Variants in GPCPD1 observed in about 807,000 individuals in gnomAD.
GPCPD1 encodes glycerophosphocholine phosphodiesterase 1, also known as glycerophosphocholine phosphodiesterase GPCPD1.
GPCPD1 carries 29 observed loss-of-function variants against 89.2 expected under a neutral mutation model. The ratio of observed to expected loss-of-function variants is 0.33; its 90% CI spans 0.24 to 0.44. The LOEUF (loss-of-function observed/expected upper bound fraction) is 0.44. Among genes scored for constraint, GPCPD1 ranks in the 20% least tolerant of loss-of-function variants. GPCPD1 has a pLI of 1.00. For synonymous variants in GPCPD1, 258 were observed against 266.3 expected (o/e 0.97, Z 0.30); for missense variants, 594 against 808.9 (o/e 0.73, Z 3.22).
intron 16 of GPCPD1, among the ~76,000 whole-genome samples, chr20:5,561,015 T>A (rs988754614): frequency 6.6e-6 from 1 of 152,204 alleles, no homozygotes; most frequent in African/African-American, 2.4e-5. Flanking sequence ...AAATATTTGT[T>A]GAACAAAAAA....
chr20:5,601,311 G>A lies in GPCPD1; in HGVS notation c.50-2490C>T, dbSNP rs138960831. On this transcript the variant is annotated intron_variant, in intron 2 of 19. Coordinates refer to ENST00000379019, the MANE Select transcript of GPCPD1 (RefSeq NM_019593.5). ...AGAGTCCAGGAGTTTGAGGAGCTATGACTGCACCACTGCACTTCAACCTGG... is the reference window on the plus strand; with the variant it reads ...AGAGTCCAGGAGTTTGAGGAGCTATAACTGCACCACTGCACTTCAACCTGG... Among the ~76,000 whole-genome samples the A allele has an allele frequency of 2.7e-5, 4 of 150,732 alleles. 1 individual carries two copies. The South Asian group carries it at 8.4e-4, about 32-fold the overall frequency.
Position 5,544,837 on chromosome 20 carries a change from G to A in GPCPD1, c.*2824C>T, listed in dbSNP as rs141661519. ...AGCGGGACACTGAAGGAAGGCAAAG[G>A]AGGTGTTTCAGACAAGCAAAGCAGT... On this transcript the variant is annotated 3_prime_UTR_variant, in exon 20 of 20. Transcript: ENST00000379019. The A allele has an allele frequency of 8.2e-4, 125 of 152,420 alleles. No homozygotes were observed. The highest frequency in any genetic ancestry group is 2.8e-3 in the African/African-American group (117 of 41,558). The allele number at this position is 152,420 out of a possible 1,614,324, so 9.4% of individuals were successfully genotyped here.
intron 4 of GPCPD1, among the ~76,000 whole-genome samples, chr20:5,591,284 C>G (rs1428835736): frequency 6.6e-6 from 1 of 152,114 alleles, no homozygotes; most frequent in Non-Finnish European, 1.5e-5. Flanking sequence ...CTCTTCTAAA[C>G]TAAAAGGAAT....
intron 3 of GPCPD1, among the ~76,000 whole-genome samples, chr20:5,595,012 TCA>T (rs1979608342): frequency 6.6e-6 from 1 of 152,214 alleles, no homozygotes; most frequent in African/African-American, 2.4e-5. Flanking sequence ...GTAGTAAACT[TCA>T]CTGTCTTATT....
chr20:5,605,212 G>T (rs1288357280), intron 1 of GPCPD1, among the ~76,000 whole-genome samples: 1 of 152,060 alleles, frequency 6.6e-6, no homozygotes, highest in Non-Finnish European at 1.5e-5. Flanking sequence ...ATCCAAACTT[G>T]TTATTTTTTA....
chr20:5,548,712 T>C, intron 19 of GPCPD1: 1 of 204,358 alleles, frequency 4.9e-6, no homozygotes, highest in East Asian at 1.2e-4. Context: ...TTTTGAAAGC[T>C]GGAAAACAGA....
Position 5,547,870 on chromosome 20 carries a change from A to G in GPCPD1, c.1830-20T>C. On this transcript the variant is annotated intron_variant, in intron 19 of 19. Coordinates refer to ENST00000379019, the MANE Select transcript of GPCPD1 (RefSeq NM_019593.5). ...TATATCCTATGATGAAACAAATACA[A>G]AACACATAAAATACTGTAATTTTAT... The G allele has an allele frequency of 1.4e-6, 2 of 1,380,982 alleles. No individual in the cohort carries two copies. The highest frequency in any genetic ancestry group is 2.0e-6 in the Non-Finnish European group (2 of 987,880). The allele number at this position is 1,380,982 out of a possible 1,614,324, so 85.5% of individuals were successfully genotyped here. A position where few individuals can be genotyped will look rare whatever the true frequency, so the allele number is the denominator to read the frequency against.
At chr20:5,592,178 C>T (rs1361235723) in intron 4 of GPCPD1, among the ~76,000 whole-genome samples, 1 of 152,160 alleles carries the variant, frequency 6.6e-6, no homozygotes, top group East Asian at 1.9e-4. Context: ...TCACATATTA[C>T]AAAGCTAAAT....
At chr20:5,555,737 G>A (rs1280372967) in intron 19 of GPCPD1, among the ~76,000 whole-genome samples, 1 of 151,892 alleles carries the variant, frequency 6.6e-6, no homozygotes, top group African/African-American at 2.4e-5. Flanking sequence ...GCGTGCGCCT[G>A]TAATCCCAGC....
At chr20:5,573,337 C>T (rs1986825528) in intron 11 of GPCPD1, among the ~76,000 whole-genome samples, 1 of 152,126 alleles carries the variant, frequency 6.6e-6, no homozygotes, top group Non-Finnish European at 1.5e-5. Context: ...CTGCCCATCT[C>T]GGCCTCCCAA....
intron 12 of GPCPD1, among the ~76,000 whole-genome samples, chr20:5,569,067 T>C (rs1202999629): frequency 6.6e-6 from 1 of 152,108 alleles, no homozygotes; most frequent in Non-Finnish European, 1.5e-5. Context: ...TCATGTAATC[T>C]GAATAGATGC....
At position 5,605,350 on chromosome 20, in the gene GPCPD1, T is replaced by C. The variant is rs529576561; in HGVS notation, c.-28-910A>G. On this transcript the variant is annotated intron_variant, in intron 1 of 19. Coordinates refer to ENST00000379019, the MANE Select transcript of GPCPD1 (RefSeq NM_019593.5). ...AAACAACTATAGAGAGAAAAAAGCT[T>C]CACTTAATGAATTTCTACTTTAACA... Among the ~76,000 whole-genome samples the C allele has an allele frequency of 3.9e-5, 6 of 152,314 alleles. No individual in the cohort carries two copies. The South Asian group carries it at 1.2e-3, about 32-fold the overall frequency.
chr20:5,566,503 A>C (rs1986400859), intron 14 of GPCPD1, among the ~76,000 whole-genome samples: 1 of 152,230 alleles, frequency 6.6e-6, no homozygotes, highest in South Asian at 2.1e-4. Context: ...ATAAGTATTA[A>C]CACTTTGATC....
At chr20:5,566,662 T>G in intron 14 of GPCPD1, 71 bp downstream of exon 14, 1 of 894,344 alleles carries the variant, frequency 1.1e-6, no homozygotes, top group Non-Finnish European at 1.9e-6. Flanking sequence ...AAGTATGTGC[T>G]AAAATCGATT....
chr20:5,547,594 C>T lies in GPCPD1; in HGVS notation c.*67G>A. ...CCAAAAGGCATAGATCAACAATGCT[C>T]AGTGATGAAAAATGAATACCCAGAA... On this transcript the variant is annotated 3_prime_UTR_variant, in exon 20 of 20. Coordinates refer to ENST00000379019, the MANE Select transcript of GPCPD1 (RefSeq NM_019593.5). 1.3e-6 allele frequency: 1 copy of T among 774,884 alleles called. No homozygotes were observed. Among genetic ancestry groups the T allele is most frequent in the East Asian group, 2.5e-5 (1 of 40,182 alleles). The allele number at this position is 774,884 out of a possible 1,614,324, so 48.0% of individuals were successfully genotyped here.
chr20:5,568,336 A>G lies in GPCPD1; in HGVS notation c.1150-776T>C, dbSNP rs1986519755. On this transcript the variant is annotated intron_variant, in intron 12 of 19. Transcript: ENST00000379019. Reference sequence around the variant, plus strand: ...TGTACATGCATAAAGTTTTTCTGGAATACACAAGAAACTATTAAAAGTAAG... The same window carrying G: ...TGTACATGCATAAAGTTTTTCTGGAGTACACAAGAAACTATTAAAAGTAAG... 2.0e-5 allele frequency among the ~76,000 whole-genome samples: 3 copies of G among 151,188 alleles called. No individual in the cohort carries two copies. In the South Asian group the frequency reaches 6.2e-4, roughly 31 times the overall value.
Position 5,549,200 on chromosome 20 carries a change from G to A in GPCPD1, c.1830-1350C>T, listed in dbSNP as rs189140976. On this transcript the variant is annotated intron_variant, in intron 19 of 19. Transcript: ENST00000379019. Reference sequence around the variant, plus strand: ...CATTGAACAAACAGCAGAGATGAAGGGACCTCAATCACTTTTGGCTAGAGA... The same window carrying A: ...CATTGAACAAACAGCAGAGATGAAGAGACCTCAATCACTTTTGGCTAGAGA... 3.4e-4 allele frequency: 230 copies of A among 680,696 alleles called. 1 individual carries two copies. Among genetic ancestry groups the A allele is most frequent in the Non-Finnish European group, 5.7e-4 (211 of 367,226 alleles). The allele number at this position is 680,696 out of a possible 1,614,324, so 42.2% of individuals were successfully genotyped here.
chr20:5,569,568 T>G (rs1297922318), intron 12 of GPCPD1, among the ~76,000 whole-genome samples: 1 of 152,074 alleles, frequency 6.6e-6, no homozygotes, highest in Non-Finnish European at 1.5e-5. Flanking sequence ...TTACCTTTCC[T>G]GTAGCCCACA....
At chr20:5,564,176 T>A (rs1986242947) in intron 15 of GPCPD1, among the ~76,000 whole-genome samples, 1 of 152,144 alleles carries the variant, frequency 6.6e-6, no homozygotes, top group Non-Finnish European at 1.5e-5. Flanking sequence ...ATCTAGTTTT[T>A]AAGTCTTCAT....
Sources: gnomAD v4.1 joint callset for allele counts (sites outside exome capture counted in the v4.1 genomes callset) on GRCh38, gnomAD v4.1.1 for gene constraint, MANE v1.5 for transcripts, NCBI Gene and HGNC (gene_info 2026-07-23, HGNC 2026-07-21) for gene names.